The following DLC1 variants were observed in gnomAD, a reference collection of about 807,000 sequenced individuals.
DLC1 encodes the protein DLC1 Rho GTPase activating protein, also known as rho GTPase-activating protein 7.
Under a neutral mutation model 140.3 loss-of-function variants are expected in DLC1, and 54 were observed. That is an observed-to-expected ratio of 0.38 (90% confidence interval 0.31 to 0.48). The LOEUF (loss-of-function observed/expected upper bound fraction) is 0.48. DLC1 is among the 20% of genes least tolerant of loss of function. DLC1 has a pLI of 0.96. For missense variants in DLC1, 2,536 were observed against 1,907.0 expected (o/e 1.33, Z -6.14); for synonymous variants, 986 against 728.1 (o/e 1.35, Z -5.70).
intron 4 of DLC1, among the ~76,000 whole-genome samples, chr8:13,327,921 A>C (rs1174742978): frequency 1.3e-5 from 2 of 152,248 alleles, no homozygotes; most frequent in African/African-American, 4.8e-5. Context: ...TTGACACCTA[A>C]ATATGAACAA....
chr8:13,422,956 T>C (rs1471638088), intron 2 of DLC1, among the ~76,000 whole-genome samples: 2 of 152,080 alleles, frequency 1.3e-5, no homozygotes, highest in Non-Finnish European at 2.9e-5. Flanking sequence ...AAGGAAGCCA[T>C]GGAAGCGCAT....
intron 4 of DLC1, among the ~76,000 whole-genome samples, chr8:13,332,850 T>C (rs1563260145): frequency 6.6e-6 from 1 of 152,216 alleles, no homozygotes; most frequent in African/African-American, 2.4e-5. Context: ...GAACAATATA[T>C]TAAAATGTGA....
At chr8:13,561,778 T>A (rs1199309478) in intron 1 of DLC1, among the ~76,000 whole-genome samples, 1 of 152,190 alleles carries the variant, frequency 6.6e-6, no homozygotes, top group Admixed American at 6.5e-5. Context: ...TATATATGTT[T>A]CATAAATCCA....
intron 1 of DLC1, among the ~76,000 whole-genome samples, chr8:13,561,049 C>T (rs1383062291): frequency 1.3e-5 from 2 of 151,614 alleles, no homozygotes; most frequent in Admixed American, 6.6e-5. Flanking sequence ...TGTGCTAGTT[C>T]GTATTTCAAC....
chr8:13,371,533 C>T (rs74574478), intron 4 of DLC1, among the ~76,000 whole-genome samples: 2,525 of 152,120 alleles, frequency 0.017, 33 homozygotes, highest in Non-Finnish European at 0.025. Context: ...AACTGCTAGT[C>T]CTCAAACATG....
At chr8:13,426,388 G>A (rs1411647356) in intron 2 of DLC1, among the ~76,000 whole-genome samples, 1 of 152,060 alleles carries the variant, frequency 6.6e-6, no homozygotes, top group Non-Finnish European at 1.5e-5. Context: ...TTTATTACTA[G>A]TAGCAGCTAC....
intron 1 of DLC1, among the ~76,000 whole-genome samples, chr8:13,591,054 A>G (rs1173849753): frequency 1.3e-5 from 2 of 152,148 alleles, no homozygotes; most frequent in South Asian, 2.1e-4. Flanking sequence ...AATTTATATG[A>G]CATGAGATTA....
intron 1 of DLC1, among the ~76,000 whole-genome samples, chr8:13,579,245 CATATAT>C (rs749246152): frequency 5.3e-5 from 1 of 18,904 alleles, no homozygotes; most frequent in African/African-American, 1.8e-4. Context: ...GAACAGGGAG[CATATAT>C]ATATATATAT....
At chr8:13,315,329 A>G (rs1832824649) in intron 4 of DLC1, among the ~76,000 whole-genome samples, 1 of 152,272 alleles carries the variant, frequency 6.6e-6, no homozygotes, top group South Asian at 2.1e-4. Context: ...TGGAATCAGG[A>G]TGATAATCAA....
chr8:13,575,694 A>G (rs1369716227), intron 1 of DLC1, among the ~76,000 whole-genome samples: 1 of 152,210 alleles, frequency 6.6e-6, no homozygotes, highest in East Asian at 1.9e-4. Context: ...GCTTCAGTGT[A>G]CCATAATAGT....
At chr8:13,561,674 A>C (rs537328453) in intron 1 of DLC1, among the ~76,000 whole-genome samples, 2 of 152,166 alleles carry the variant, frequency 1.3e-5, no homozygotes, top group Non-Finnish European at 2.9e-5. Context: ...GAGCTTTGCA[A>C]TAATAGCAGT....
chr8:13,374,320 T>C (rs1027137159), intron 4 of DLC1, among the ~76,000 whole-genome samples: 21 of 152,214 alleles, frequency 1.4e-4, no homozygotes, highest in African/African-American at 4.8e-4. Context: ...TTTAATGTAT[T>C]GATAAACAAT....
intron 4 of DLC1, among the ~76,000 whole-genome samples, chr8:13,308,493 T>C (rs1446029830): frequency 2.0e-5 from 3 of 152,206 alleles, no homozygotes; most frequent in African/African-American, 7.2e-5. Context: ...ATAAATATAT[T>C]ACATTGTTAA....
At chr8:13,495,806 C>T (rs964466993) in intron 2 of DLC1, among the ~76,000 whole-genome samples, 2 of 152,152 alleles carry the variant, frequency 1.3e-5, no homozygotes, top group African/African-American at 2.4e-5. Flanking sequence ...ATTAAAAGTA[C>T]AATGATATCT....
chr8:13,220,427 G>T (rs1384588206), intron 5 of DLC1, among the ~76,000 whole-genome samples: 1 of 152,138 alleles, frequency 6.6e-6, no homozygotes, highest in African/African-American at 2.4e-5. Flanking sequence ...TGTCTCTTTA[G>T]AGTCTACAAA....
At chr8:13,544,807 T>C (rs149748848) in intron 1 of DLC1, among the ~76,000 whole-genome samples, 1 of 152,362 alleles carries the variant, frequency 6.6e-6, no homozygotes, top group East Asian at 1.9e-4. Flanking sequence ...GTAAGCTTCA[T>C]TTCTTTTGGG....
rs941228425 is a variant in DLC1, at chr8:13,542,464, C to T, written c.-125-42268G>A. Among the ~76,000 whole-genome samples, 115 of 152,008 alleles carry T rather than the reference C, an allele frequency of 7.6e-4. 2 individuals carry two copies. Among genetic ancestry groups the T allele is most frequent in the Non-Finnish European group, 4.4e-5 (3 of 67,988 alleles). ...TGACTATTGTAACTGTATATTAAGT[C>T]TGATTTTTTTTTTCCAAAAATTGTT... is the stretch of plus-strand genomic sequence containing the variant. On this transcript the variant is annotated intron_variant, in intron 1 of 1. Coordinates refer to the DLC1 transcript ENST00000631382.
At chr8:13,305,453 C>G in intron 4 of DLC1, 151 bp from the exon 5 acceptor site, 2 of 721,016 alleles carry the variant, frequency 2.8e-6, no homozygotes, top group East Asian at 2.8e-5. Flanking sequence ...AGTAAAATCA[C>G]TAGAGCTGTC....
upstream of DLC1, among the ~76,000 whole-genome samples, chr8:13,518,021 A>G (rs1054192934): frequency 2.0e-5 from 3 of 152,202 alleles, no homozygotes; most frequent in East Asian, 5.8e-4. Context: ...AAACCGTTAT[A>G]GTGGTGGAAC....
Sources: allele counts gnomAD v4.1 joint callset (sites outside exome capture counted in the v4.1 genomes callset), GRCh38; gene constraint gnomAD v4.1.1; transcripts MANE v1.5; gene names NCBI Gene and HGNC (gene_info 2026-07-23, HGNC 2026-07-21).